Variants in PSD3 observed in about 807,000 individuals in gnomAD.
The protein encoded by PSD3 is PH and SEC7 domain-containing protein 3.
In PSD3, 49 loss-of-function variants were observed where a neutral mutation model predicts 105.5. The observed-to-expected ratio is 0.46, with a 90% confidence interval of 0.37 to 0.59. The LOEUF (loss-of-function observed/expected upper bound fraction) is 0.59. Among genes scored for constraint, PSD3 ranks in the 20% least tolerant of loss-of-function variants. The pLI is 0.00. For missense variants in PSD3, 1,561 were observed against 1,263.8 expected, an observed-to-expected ratio of 1.24 and a Z score of -3.57; for synonymous variants, 557 against 457.8, an observed-to-expected ratio of 1.22 and a Z score of -2.77.
Position 18,796,416 on chromosome 8 carries a change from G to C in PSD3, c.2082+2879C>G, listed in dbSNP as rs572732712. Among the ~76,000 whole-genome samples the C allele has an allele frequency of 2.0e-3, 300 of 152,280 alleles. 1 individual carries two copies. Among genetic ancestry groups the C allele is most frequent in the Non-Finnish European group, 3.7e-3 (250 of 68,022 alleles). ...CTGATCCTTACCCAAATGGCAAAGA[G>C]TATGGAAAGGAGGAGGCACACGCAT... On this transcript the variant is annotated intron_variant, in intron 8 of 15. Coordinates refer to ENST00000327040, the MANE Select transcript of PSD3 (RefSeq NM_015310.4).
At chr8:18,993,477 C>T (rs1458644313) in intron 1 of PSD3, among the ~76,000 whole-genome samples, 1 of 150,490 alleles carries the variant, frequency 6.6e-6, no homozygotes, top group Admixed American at 6.6e-5. Flanking sequence ...GACAGCATTG[C>T]TTTAACAGTT....
At chr8:18,742,842 A>G (rs1456393360) in intron 9 of PSD3, among the ~76,000 whole-genome samples, 1 of 152,194 alleles carries the variant, frequency 6.6e-6, no homozygotes, top group Admixed American at 6.5e-5. Context: ...TAGGTTATCC[A>G]TAACCTTTCA....
At chr8:18,644,801 T>C (rs1807910308) in intron 10 of PSD3, among the ~76,000 whole-genome samples, 1 of 152,210 alleles carries the variant, frequency 6.6e-6, no homozygotes, top group Non-Finnish European at 1.5e-5. Context: ...CAATCTTCTG[T>C]CGTAGTCTGT....
chr8:18,613,120 A>G (rs1455002833), intron 11 of PSD3, among the ~76,000 whole-genome samples: 1 of 152,054 alleles, frequency 6.6e-6, no homozygotes, highest in Non-Finnish European at 1.5e-5. Context: ...TTTCAGGAAA[A>G]ATATAAACAC....
At chr8:18,553,285 C>G (rs1326056863) in intron 15 of PSD3, among the ~76,000 whole-genome samples, 1 of 152,184 alleles carries the variant, frequency 6.6e-6, no homozygotes, top group African/African-American at 2.4e-5. Flanking sequence ...CTATGATCTT[C>G]CCTGGTGATT....
chr8:18,765,380 T>C lies in PSD3; in HGVS notation c.2172+69A>G, dbSNP rs1806892101. On this transcript the variant is annotated intron_variant, in intron 9 of 15. Transcript: ENST00000327040. Reference sequence around the variant, plus strand: ...AATACTTAAGTGATCCTTAGCCTACTTAGGATTAAGCTGTAAGCAGCAAAC... The same window carrying C: ...AATACTTAAGTGATCCTTAGCCTACCTAGGATTAAGCTGTAAGCAGCAAAC... The C allele has an allele frequency of 3.6e-6, 5 of 1,375,138 alleles. No individual in the cohort carries two copies. In the East Asian group the frequency reaches 9.2e-5, roughly 25 times the overall value. The allele number at this position is 1,375,138 out of a possible 1,614,324, so 85.2% of individuals were successfully genotyped here.
chr8:18,622,667 TACC>T (rs1454633096), intron 11 of PSD3, among the ~76,000 whole-genome samples: 2 of 152,186 alleles, frequency 1.3e-5, no homozygotes, highest in Admixed American at 6.5e-5. Flanking sequence ...GTGAAATAAT[TACC>T]ACAAGGAAGC....
chr8:18,804,445 G>C (rs1217489750), intron 6 of PSD3, 77 bp downstream of exon 6: 8 of 1,256,898 alleles, frequency 6.4e-6, no homozygotes, highest in South Asian at 2.7e-5. Flanking sequence ...TAAGATTCTA[G>C]CTAGAAGACA....
chr8:18,926,388 A>C (rs1821363813), intron 2 of PSD3, among the ~76,000 whole-genome samples: 1 of 151,846 alleles, frequency 6.6e-6, no homozygotes, highest in Non-Finnish European at 1.5e-5. Context: ...TGTCATCCTC[A>C]AGATATCTCA....
At chr8:18,696,836 C>T (rs749702841) in intron 9 of PSD3, among the ~76,000 whole-genome samples, 10 of 152,230 alleles carry the variant, frequency 6.6e-5, no homozygotes, top group Non-Finnish European at 1.5e-4. Context: ...CTATAAAAGC[C>T]ACATAATAAC....
intron 11 of PSD3, among the ~76,000 whole-genome samples, chr8:18,620,114 C>T (rs1283308391): frequency 1.3e-5 from 2 of 152,184 alleles, no homozygotes; most frequent in African/African-American, 2.4e-5. Flanking sequence ...CTCTTCAAGT[C>T]CTCAGACAAC....
At chr8:18,646,903 A>G (rs1050298826) in intron 10 of PSD3, among the ~76,000 whole-genome samples, 2 of 152,204 alleles carry the variant, frequency 1.3e-5, no homozygotes, top group African/African-American at 4.8e-5. Flanking sequence ...AGAGTTCACA[A>G]AACAAAGAGA....
At chr8:19,080,518 G>T (rs144457407) in intron 1 of PSD3, among the ~76,000 whole-genome samples, 1,673 of 152,260 alleles carry the variant, frequency 0.011, 19 homozygotes, top group Non-Finnish European at 0.014. Context: ...TGCTAGACAG[G>T]GTCTGCACAT....
intron 14 of PSD3, among the ~76,000 whole-genome samples, chr8:18,566,582 C>T (rs17596083): frequency 0.098 from 14,849 of 150,958 alleles, 762 homozygotes; most frequent in South Asian, 0.21. Flanking sequence ...TCTCATTTTT[C>T]TAGATGGAAA....
chr8:18,649,290 C>T (rs1382849872), intron 10 of PSD3, among the ~76,000 whole-genome samples: 2 of 152,180 alleles, frequency 1.3e-5, no homozygotes, highest in African/African-American at 4.8e-5. Flanking sequence ...CTTGGGAGCC[C>T]ACTCCTCACA....
chr8:18,988,694 TA>T (rs578210369), intron 1 of PSD3, among the ~76,000 whole-genome samples: 1 of 152,328 alleles, frequency 6.6e-6, no homozygotes, highest in South Asian at 2.1e-4. Flanking sequence ...ATCACATGTT[TA>T]AAAAGTGTTG....
intron 8 of PSD3, among the ~76,000 whole-genome samples, chr8:18,765,912 G>C (rs563869023): frequency 6.6e-6 from 1 of 151,358 alleles, no homozygotes; most frequent in South Asian, 2.1e-4. Context: ...AGGTTGCAGC[G>C]AGCGGAGATG....
intron 15 of PSD3, among the ~76,000 whole-genome samples, chr8:18,547,983 C>G (rs886262914): frequency 6.6e-6 from 1 of 152,080 alleles, no homozygotes; most frequent in African/African-American, 2.4e-5. Context: ...ATTTCTTTCT[C>G]CCTTCCTTTT....
intron 1 of PSD3, among the ~76,000 whole-genome samples, chr8:19,051,428 A>G (rs1168198156): frequency 6.6e-6 from 1 of 151,962 alleles, no homozygotes; most frequent in Non-Finnish European, 1.5e-5. Flanking sequence ...TTATCTATAA[A>G]CTCCATGAAT....
Sources: gnomAD v4.1 joint callset for allele counts (sites outside exome capture counted in the v4.1 genomes callset) on GRCh38, gnomAD v4.1.1 for gene constraint, MANE v1.5 for transcripts, NCBI Gene and HGNC (gene_info 2026-07-23, HGNC 2026-07-21) for gene names.